The following ST18 variants were observed in gnomAD, a reference collection of about 807,000 sequenced individuals.
ST18 encodes the protein suppression of tumorigenicity 18 protein.
Under a neutral mutation model 110.0 loss-of-function variants are expected in ST18, and 50 were observed. The observed-to-expected ratio is 0.45, with a 90% CI of 0.36 to 0.58. The LOEUF (loss-of-function observed/expected upper bound fraction) is 0.58. Among genes scored for constraint, ST18 ranks in the 20% least tolerant of loss-of-function variants. ST18 has a pLI of 0.00. For missense variants in ST18, 1,306 were observed against 1,280.1 expected, an observed-to-expected ratio of 1.02 and a Z score of -0.31; for synonymous variants, 461 against 452.4, an observed-to-expected ratio of 1.02 and a Z score of -0.24.
At chr8:52,302,961 A>G (rs140237480) in intron 2 of ST18, among the ~76,000 whole-genome samples, 1 of 152,316 alleles carries the variant, frequency 6.6e-6, no homozygotes, top group East Asian at 1.9e-4. Context: ...GTGAAGGTTC[A>G]TAGGAAACTT....
At chr8:52,352,186 C>T (rs978458601) in intron 2 of ST18, among the ~76,000 whole-genome samples, 1 of 152,158 alleles carries the variant, frequency 6.6e-6, no homozygotes, top group African/African-American at 2.4e-5. Context: ...CAGTTTGCCA[C>T]GTCTGCTAAG....
chr8:52,171,637 G>A, intron 10 of ST18, 155 bp downstream of exon 10: 3 of 844,596 alleles, frequency 3.6e-6, no homozygotes, highest in Non-Finnish European at 5.8e-6. Flanking sequence ...GAGAGTGGGG[G>A]AAAAGAAAGA....
chr8:52,401,722 G>A (rs1842855651), intron 2 of ST18, among the ~76,000 whole-genome samples: 2 of 151,944 alleles, frequency 1.3e-5, no homozygotes, highest in South Asian at 2.1e-4. Flanking sequence ...TCCTAATTTT[G>A]TTGCATTGTC....
In ST18 at chr8:52,298,135, G is replaced by A. The variant is rs190815135; in HGVS notation, c.-464-68058C>T. ...GGTCCCCGGCCTTCAGCTAGAGGGG[G>A]ACCCTATGAGGCATTTTAGGGCCTA... On this transcript the variant is annotated intron_variant, in intron 2 of 25. Transcript: ENST00000689386. Among the ~76,000 whole-genome samples the A allele has an allele frequency of 7.2e-5, 11 of 152,294 alleles. No individual in the cohort carries two copies. In the East Asian group the frequency reaches 1.9e-3, roughly 27 times the overall value.
Position 52,132,187 on chromosome 8 carries a change from G to A in ST18, c.2445-8C>T, listed in dbSNP as rs2049941478. 1 of 1,604,804 alleles carries A rather than the reference G, an allele frequency of 6.2e-7. No individual in the cohort carries two copies. The highest frequency in any genetic ancestry group is 8.5e-7 in the Non-Finnish European group (1 of 1,175,776). On this transcript the variant is annotated splice_region_variant and splice_polypyrimidine_tract_variant and intron_variant, in intron 21 of 25. Coordinates refer to ENST00000689386, the MANE Select transcript of ST18 (RefSeq NM_001352837.2). ...CACCCTATCACAGGACATCTAGAGA[G>A]AAAGCAGAGACATTACCAGCCAGGA...
At chr8:52,165,578 A>C (rs991328281) in intron 11 of ST18, among the ~76,000 whole-genome samples, 1 of 152,168 alleles carries the variant, frequency 6.6e-6, no homozygotes, top group East Asian at 1.9e-4. Context: ...AGTTCTTTCT[A>C]TCTTTTCCCT....
intron 2 of ST18, among the ~76,000 whole-genome samples, chr8:52,245,426 T>A (rs1014976112): frequency 6.6e-6 from 1 of 152,124 alleles, no homozygotes; most frequent in Admixed American, 6.6e-5. Flanking sequence ...ATTGGATATA[T>A]ATATGACACA....
intron 2 of ST18, among the ~76,000 whole-genome samples, chr8:52,327,345 C>T (rs1439933464): frequency 1.3e-5 from 2 of 152,208 alleles, no homozygotes; most frequent in South Asian, 2.1e-4. Flanking sequence ...GACTGGTCAG[C>T]CCTGCTCTTT....
intron 17 of ST18, among the ~76,000 whole-genome samples, chr8:52,140,145 A>G (rs1370512736): frequency 6.6e-6 from 1 of 152,252 alleles, no homozygotes; most frequent in African/African-American, 2.4e-5. Flanking sequence ...ACAGGGTGAC[A>G]TGGAATGTAG....
chr8:52,230,913 AG>A (rs2091154997), intron 2 of ST18, among the ~76,000 whole-genome samples: 1 of 152,206 alleles, frequency 6.6e-6, no homozygotes, highest in East Asian at 1.9e-4. Context: ...TAGCCTCAAA[AG>A]TTTGCAACTT....
At chr8:52,290,225 T>C (rs1024325118) in intron 2 of ST18, among the ~76,000 whole-genome samples, 7 of 152,130 alleles carry the variant, frequency 4.6e-5, no homozygotes, top group African/African-American at 7.2e-5. Context: ...CCCAGCTCAC[T>C]AAAGGCTCCA....
intron 2 of ST18, among the ~76,000 whole-genome samples, chr8:52,315,707 T>A (rs1006723045): frequency 2.0e-4 from 31 of 152,224 alleles, no homozygotes; most frequent in Non-Finnish European, 4.4e-5. Flanking sequence ...TGCTGGTGAA[T>A]GTTTGTTAAA....
intron 3 of ST18, among the ~76,000 whole-genome samples, chr8:52,227,002 T>G (rs1022278181): frequency 6.6e-6 from 1 of 152,224 alleles, no homozygotes; most frequent in Non-Finnish European, 1.5e-5. Context: ...TTTTGTACAT[T>G]TGAATTAAGA....
At chr8:52,236,546 G>A (rs543835569) in intron 2 of ST18, among the ~76,000 whole-genome samples, 1 of 151,244 alleles carries the variant, frequency 6.6e-6, no homozygotes, top group East Asian at 1.9e-4. Flanking sequence ...AGGAGGCGGA[G>A]GTTGCAGTGA....
chr8:52,245,144 A>G (rs1355016930), intron 2 of ST18, among the ~76,000 whole-genome samples: 3 of 152,226 alleles, frequency 2.0e-5, no homozygotes, highest in African/African-American at 7.2e-5. Context: ...AGAGGTAAAT[A>G]CCTTCATTCT....
At chr8:52,249,680 T>TA (rs1293100878) in intron 2 of ST18, among the ~76,000 whole-genome samples, 5 of 151,740 alleles carry the variant, frequency 3.3e-5, no homozygotes, top group South Asian at 2.1e-4. Flanking sequence ...ACTAAAAAAA[T>TA]AAAAAAAATT....
intron 2 of ST18, among the ~76,000 whole-genome samples, chr8:52,354,457 T>A (rs185429569): frequency 1.9e-4 from 29 of 152,276 alleles, no homozygotes; most frequent in Non-Finnish European, 3.8e-4. Flanking sequence ...TCAAGGATAA[T>A]ATTTGAAGCC....
intron 2 of ST18, among the ~76,000 whole-genome samples, chr8:52,292,014 G>C (rs1470386160): frequency 6.6e-6 from 1 of 152,060 alleles, no homozygotes; most frequent in African/African-American, 2.4e-5. Context: ...GATTCAAGCT[G>C]TCTGCCCACC....
intron 2 of ST18, among the ~76,000 whole-genome samples, chr8:52,360,020 A>T (rs1471726376): frequency 6.6e-6 from 1 of 152,172 alleles, no homozygotes; most frequent in East Asian, 1.9e-4. Flanking sequence ...CAAACTTCTT[A>T]TTGGAAGCAC....
Sources: allele counts gnomAD v4.1 joint callset (sites outside exome capture counted in the v4.1 genomes callset), GRCh38; gene constraint gnomAD v4.1.1; transcripts MANE v1.5; gene names NCBI Gene and HGNC (gene_info 2026-07-23, HGNC 2026-07-21).